Variants in CORO2B observed in about 807,000 individuals in gnomAD.
The protein encoded by CORO2B is coronin-2B.
CORO2B carries 26 observed loss-of-function variants against 58.8 expected under a neutral mutation model. The observed-to-expected ratio is 0.44, with a 90% confidence interval of 0.32 to 0.61. The LOEUF (loss-of-function observed/expected upper bound fraction) is 0.61, where lower values mean the gene tolerates loss of function less well. Among genes scored for constraint, CORO2B ranks in the 20% least tolerant of loss-of-function variants. The pLI is 0.04. For synonymous variants in CORO2B, 242 were observed against 253.8 expected, an observed-to-expected ratio of 0.95 and a Z score of 0.44; for missense variants, 460 against 645.1, an observed-to-expected ratio of 0.71 and a Z score of 3.11.
rs563072859 is a variant in CORO2B, at chr15:68,726,253, C to T, written c.*279C>T. On this transcript the variant is annotated 3_prime_UTR_variant, in exon 12 of 12. Transcript: ENST00000261861. ...CAGCTGGGTGAAGACTACAGACTCCCTGGGGTTGGCAGGGGCTCCATCTCA... is the reference window on the plus strand; with the variant it reads ...CAGCTGGGTGAAGACTACAGACTCCTTGGGGTTGGCAGGGGCTCCATCTCA... 4.3e-5 allele frequency: 17 copies of T among 397,822 alleles called. No individual in the cohort carries two copies. The East Asian group carries it at 9.8e-4, about 23-fold the overall frequency. 24.6% of individuals were successfully genotyped at this position (397,822 alleles called of 1,614,324 possible). A position where few individuals can be genotyped will look rare whatever the true frequency, so the allele number is the denominator to read the frequency against.
Position 68,579,294 on chromosome 15 carries a change from C to A in CORO2B, c.15+17C>A. ...GTCACAAAGGTAAGCGCCGCTCGCCCGCCGCGCCCGGGACCCGCCGGCGCC... is the reference window on the plus strand; with the variant it reads ...GTCACAAAGGTAAGCGCCGCTCGCCAGCCGCGCCCGGGACCCGCCGGCGCC... On this transcript the variant is annotated intron_variant, in intron 1 of 11. Coordinates refer to ENST00000261861, the MANE Select transcript of CORO2B (RefSeq NM_006091.5). 1 of 1,288,572 alleles carries A rather than the reference C, an allele frequency of 7.8e-7. No homozygotes were observed. The allele number at this position is 1,288,572 out of a possible 1,614,324, so 79.8% of individuals were successfully genotyped here.
At chr15:68,690,335 C>T (rs531445237) in intron 2 of CORO2B, among the ~76,000 whole-genome samples, 2 of 152,210 alleles carry the variant, frequency 1.3e-5, no homozygotes, top group East Asian at 1.9e-4. Context: ...CCTGCATTTC[C>T]TACTCTGGTT....
intron 2 of CORO2B, among the ~76,000 whole-genome samples, chr15:68,681,991 G>A (rs1315603872): frequency 2.0e-5 from 3 of 152,138 alleles, no homozygotes; most frequent in Non-Finnish European, 2.9e-5. Context: ...AGACAGCTCC[G>A]GAGGGCCCAG....
chr15:68,725,883 G>C lies in CORO2B; in HGVS notation c.1352G>C (p.Arg451Pro). Residue 451 changes from arginine (R) to proline (P), a missense_variant, in exon 12 of 12, where the codon CGG (arginine) becomes CCG (proline). Transcript: ENST00000261861. ...TTCCGGCAGCAGGATGAGATTCGAC[G>C]GTTGAAAGAGGAGCTGGCCCAGAAG... ...MFFRQQDEIR[R>P]LKEELAQKDI... 6.2e-7 allele frequency: 1 copy of C among 1,613,946 alleles called. No homozygotes were observed. Among genetic ancestry groups the C allele is most frequent in the Non-Finnish European group, 8.5e-7 (1 of 1,180,006 alleles).
the CORO2B span, among the ~76,000 whole-genome samples, chr15:68,554,039 C>T: frequency 6.6e-6 from 1 of 152,128 alleles, no homozygotes; most frequent in African/African-American, 2.4e-5. Context: ...AGCAGTAGTC[C>T]AGAAGGAAGA....
At chr15:68,626,667 C>T (rs1382135293) in intron 1 of CORO2B, among the ~76,000 whole-genome samples, 2 of 152,194 alleles carry the variant, frequency 1.3e-5, no homozygotes, top group Non-Finnish European at 2.9e-5. Flanking sequence ...TTCATTCTCA[C>T]TGTGGGGAGC....
chr15:68,632,217 G>T, intron 1 of CORO2B: 1 of 985,510 alleles, frequency 1.0e-6, no homozygotes. Flanking sequence ...TCATCCACAC[G>T]GCCCATCTGT....
At chr15:68,699,081 T>A (rs1376218953) in intron 3 of CORO2B, among the ~76,000 whole-genome samples, 1 of 152,026 alleles carries the variant, frequency 6.6e-6, no homozygotes, top group Admixed American at 6.6e-5. Context: ...ACCCAGTATA[T>A]CCGGTGTGCT....
the CORO2B span, among the ~76,000 whole-genome samples, chr15:68,562,893 C>T: frequency 1.3e-5 from 2 of 149,892 alleles, no homozygotes; most frequent in Non-Finnish European, 3.0e-5. Context: ...AGGAGAATGG[C>T]GTGAACCCGG....
At chr15:68,555,583 G>C in the CORO2B span, among the ~76,000 whole-genome samples, 1 of 152,258 alleles carries the variant, frequency 6.6e-6, no homozygotes, top group Admixed American at 6.5e-5. Context: ...GCAGGTGTCT[G>C]TGGGTACCAG....
At chr15:68,530,408 C>T in the CORO2B span, among the ~76,000 whole-genome samples, 7 of 152,052 alleles carry the variant, frequency 4.6e-5, no homozygotes, top group African/African-American at 1.2e-4. Context: ...TTAATACATG[C>T]TCCATGTATA....
chr15:68,725,890 A>G lies in CORO2B; in HGVS notation c.1359A>G (p.Lys453=). Reference sequence around the variant, plus strand: ...AGCAGGATGAGATTCGACGGTTGAAAGAGGAGCTGGCCCAGAAGGACATCC... The same window carrying G: ...AGCAGGATGAGATTCGACGGTTGAAGGAGGAGCTGGCCCAGAAGGACATCC... The part of the protein sequence containing the change: ...FRQQDEIRRL[K]EELAQKDIRI... The change falls in exon 12 of 12, where the codon AAA becomes AAG. Residue 453 remains lysine (K), a synonymous_variant. Transcript: ENST00000261861. 2 of 1,614,068 alleles carry G rather than the reference A, an allele frequency of 1.2e-6. No homozygotes were observed. The highest frequency in any genetic ancestry group is 8.5e-7 in the Non-Finnish European group (1 of 1,180,022).
chr15:68,545,612 C>A, the CORO2B span, among the ~76,000 whole-genome samples: 38 of 53,302 alleles, frequency 7.1e-4, no homozygotes, highest in East Asian at 2.6e-3. Context: ...ATGCGGGGGG[C>A]GGGGGGGGTA....
At chr15:68,527,443 T>C in the CORO2B span, among the ~76,000 whole-genome samples, 2 of 152,172 alleles carry the variant, frequency 1.3e-5, no homozygotes, top group African/African-American at 4.8e-5. Flanking sequence ...GACTCTCTTT[T>C]CCTTTATTGA....
chr15:68,612,252 A>G (rs1900264464), intron 1 of CORO2B, among the ~76,000 whole-genome samples: 2 of 152,258 alleles, frequency 1.3e-5, no homozygotes, highest in Admixed American at 1.3e-4. Flanking sequence ...TGAATATGGA[A>G]GGATAAAGAT....
intron 1 of CORO2B, among the ~76,000 whole-genome samples, chr15:68,630,632 G>T (rs1158617184): frequency 6.6e-6 from 1 of 152,166 alleles, no homozygotes; most frequent in Non-Finnish European, 1.5e-5. Flanking sequence ...TAGGCTGCGA[G>T]TAACAAAGAA....
intron 1 of CORO2B, among the ~76,000 whole-genome samples, chr15:68,627,663 G>A (rs1900720711): frequency 6.6e-6 from 1 of 152,108 alleles, no homozygotes; most frequent in Admixed American, 6.5e-5. Context: ...AGGATGGGAC[G>A]GGGAGATGTA....
chr15:68,695,307 T>C, intron 3 of CORO2B, 51 bp downstream of exon 3: 1 of 1,364,868 alleles, frequency 7.3e-7, no homozygotes. Flanking sequence ...CCCTCCCTGC[T>C]TCCTTTGGAG....
intron 1 of CORO2B, among the ~76,000 whole-genome samples, chr15:68,586,577 AT>A (rs1260425433): frequency 6.6e-6 from 1 of 152,218 alleles, no homozygotes; most frequent in Non-Finnish European, 1.5e-5. Flanking sequence ...ACATCATGGC[AT>A]AGGTTACTGT....
Sources: gnomAD v4.1 joint callset for allele counts (sites outside exome capture counted in the v4.1 genomes callset) on GRCh38, gnomAD v4.1.1 for gene constraint, MANE v1.5 for transcripts, NCBI Gene and HGNC (gene_info 2026-07-23, HGNC 2026-07-21) for gene names.